The following PGPEP1 variants were observed in gnomAD, a reference collection of about 807,000 sequenced individuals.
PGPEP1 encodes pyroglutamyl-peptidase I, also known as pyroglutamyl-peptidase 1.
Under a neutral mutation model 24.1 loss-of-function variants are expected in PGPEP1, and 15 were observed. That is an observed-to-expected ratio of 0.62 (90% confidence interval 0.42 to 0.96). PGPEP1 has a LOEUF of 0.96. Among genes scored for constraint, PGPEP1 ranks in the 40% least tolerant of loss-of-function variants. The pLI, the probability that PGPEP1 is intolerant of heterozygous loss-of-function variation, is 0.00. For synonymous variants in PGPEP1, 122 were observed against 116.4 expected, an observed-to-expected ratio of 1.05 and a Z score of -0.31; for missense variants, 242 against 273.4, an observed-to-expected ratio of 0.89 and a Z score of 0.81.
chr19:18,354,910 C>T (rs535928624), intron 2 of PGPEP1, among the ~76,000 whole-genome samples: 4 of 149,834 alleles, frequency 2.7e-5, no homozygotes, highest in Non-Finnish European at 5.9e-5. Flanking sequence ...GAACTGTTAG[C>T]GTGAGTGAGC....
At chr19:18,358,332 C>T (rs1971250083) in intron 4 of PGPEP1, among the ~76,000 whole-genome samples, 1 of 141,042 alleles carries the variant, frequency 7.1e-6, no homozygotes, top group Non-Finnish European at 1.5e-5. Flanking sequence ...GTGATCTCAG[C>T]TCACTGCAAC....
intron 2 of PGPEP1, among the ~76,000 whole-genome samples, chr19:18,355,076 C>T (rs1971139960): frequency 6.9e-6 from 1 of 144,400 alleles, no homozygotes; most frequent in Non-Finnish European, 1.5e-5. Flanking sequence ...TCATGCCATT[C>T]TCCTGCCTCA....
intron 4 of PGPEP1, among the ~76,000 whole-genome samples, chr19:18,358,391 G>C (rs1971251464): frequency 6.7e-6 from 1 of 149,692 alleles, no homozygotes; most frequent in Non-Finnish European, 1.5e-5. Flanking sequence ...CTCCCAAGTA[G>C]CTGGGATTAT....
intron 2 of PGPEP1, among the ~76,000 whole-genome samples, chr19:18,348,127 C>G (rs1970912261): frequency 1.3e-5 from 2 of 152,078 alleles, no homozygotes; most frequent in Admixed American, 1.3e-4. Flanking sequence ...TCTCGTGTGT[C>G]CCGTCTCCCC....
chr19:18,342,369 A>G (rs112267848), intron 1 of PGPEP1, among the ~76,000 whole-genome samples: 12 of 152,268 alleles, frequency 7.9e-5, no homozygotes, highest in African/African-American at 2.9e-4. Context: ...CAGGAAGATC[A>G]CTTAGCACAG....
chr19:18,343,297 G>T lies in PGPEP1; in HGVS notation c.87+386G>T, dbSNP rs141297444. ...TTACAGGCGTGAGCCACTACGCCCA[G>T]CCAGCTCTTAAAAAACGATGTCGGA... On this transcript the variant is annotated intron_variant, in intron 2 of 4. Transcript: ENST00000269919. Among the ~76,000 whole-genome samples the T allele has an allele frequency of 1.6e-3, 243 of 152,262 alleles. 1 individual carries two copies. The Middle Eastern group carries it at 0.048, about 30-fold the overall frequency.
rs376013571 is a variant in PGPEP1 at position 18,353,881 on chromosome 19, CATCT to C, written c.88-2013_88-2010del. On this transcript the variant is annotated intron_variant, in intron 2 of 4. Transcript: ENST00000269919. ...ATGGATGGACCATATTTCATTTATC[CATCT>C]GTTGATGGGCATTTGTGCTATTTCT... Among the ~76,000 whole-genome samples, 4 of 152,260 alleles carry C rather than the reference CATCT, an allele frequency of 2.6e-5. No individual in the cohort carries two copies. The East Asian group carries it at 7.7e-4, about 29-fold the overall frequency.
At chr19:18,352,106 C>T (rs1971045511) in intron 2 of PGPEP1, among the ~76,000 whole-genome samples, 1 of 151,576 alleles carries the variant, frequency 6.6e-6, no homozygotes, top group Non-Finnish European at 1.5e-5. Context: ...CCCGTCTCTA[C>T]TAAAAATACA....
intron 2 of PGPEP1, among the ~76,000 whole-genome samples, chr19:18,349,690 C>T (rs1452608404): frequency 6.6e-6 from 1 of 152,154 alleles, no homozygotes; most frequent in Admixed American, 6.6e-5. Flanking sequence ...CCTCCCGTCC[C>T]CATCGCCGCT....
chr19:18,362,726 CAAAAAAA>C (rs71166506), intron 4 of PGPEP1, among the ~76,000 whole-genome samples: 1 of 85,872 alleles, frequency 1.2e-5, no homozygotes, highest in Non-Finnish European at 2.1e-5. Context: ...GACTCTGTCT[CAAAAAAA>C]AAAAAAAAAA....
rs764839992 is a variant in PGPEP1 at position 18,357,421 on chromosome 19, A to G, written c.243A>G (p.Thr81=). ...TGGGGGTGTCAGGCATGGCGACCAC[A>G]GTCACACTGGAGAAATGTGGACACA... ...VHVGVSGMAT[T]VTLEKCGHNK... The change falls in exon 4 of 5, where the codon ACA becomes ACG. Residue 81 remains threonine, a synonymous_variant. Coordinates refer to ENST00000269919, the MANE Select transcript of PGPEP1 (RefSeq NM_017712.4). The G allele has an allele frequency of 1.9e-6, 3 of 1,614,032 alleles. No individual in the cohort carries two copies. The South Asian group carries it at 3.3e-5, about 18-fold the overall frequency.
chr19:18,352,918 CTTT>C, intron 2 of PGPEP1, among the ~76,000 whole-genome samples: 1 of 144,606 alleles, frequency 6.9e-6, no homozygotes, highest in African/African-American at 2.5e-5. Flanking sequence ...CAGGTTGAAT[CTTT>C]TTTTTTTTTC....
intron 2 of PGPEP1, among the ~76,000 whole-genome samples, chr19:18,352,042 T>C (rs12979691): frequency 0.65 from 98,273 of 151,356 alleles, 32,149 homozygotes; most frequent in Middle Eastern, 0.77. Flanking sequence ...GAGGCCGAGA[T>C]GGGCGGATCA....
chr19:18,346,594 T>C (rs2144535029), intron 2 of PGPEP1, among the ~76,000 whole-genome samples: 1 of 150,968 alleles, frequency 6.6e-6, no homozygotes, highest in African/African-American at 2.4e-5. Flanking sequence ...TCTCTCTCTG[T>C]CACTTTCACC....
At chr19:18,347,270 C>CTTTTTTTTTTTTTTTTTTTTTTT (rs59936417) in intron 2 of PGPEP1, among the ~76,000 whole-genome samples, 8 of 94,422 alleles carry the variant, frequency 8.5e-5, no homozygotes, top group South Asian at 3.8e-4. Context: ...TTCTTTCTTT[C>CTTTTTTTTTTTTTTTTTTTTTTT]TTTTTTTTTT....
In PGPEP1 at chr19:18,365,125, G is replaced by A. The variant is rs1252935082; in HGVS notation, c.*1542G>A. The A allele has an allele frequency of 1.3e-5, 2 of 152,096 alleles. No homozygotes were observed. Among genetic ancestry groups the A allele is most frequent in the Non-Finnish European group, 2.9e-5 (2 of 68,024 alleles). 9.4% of individuals were successfully genotyped at this position (152,096 alleles called of 1,614,324 possible). A position where few individuals can be genotyped will look rare whatever the true frequency, so the allele number is the denominator to read the frequency against. Reference sequence around the variant, plus strand: ...TGGTAACCTTGAACTTACCAGGCAGGGATGAGATGACGTAAACTTCCTCAG... The same window carrying A: ...TGGTAACCTTGAACTTACCAGGCAGAGATGAGATGACGTAAACTTCCTCAG... On this transcript the variant is annotated 3_prime_UTR_variant, in exon 5 of 5. Transcript: ENST00000269919.
chr19:18,343,838 A>G (rs1401883785), intron 2 of PGPEP1, among the ~76,000 whole-genome samples: 2 of 151,770 alleles, frequency 1.3e-5, no homozygotes, highest in Admixed American at 1.3e-4. Context: ...ACCTGCTACC[A>G]CGCCTGGCTA....
intron 2 of PGPEP1, among the ~76,000 whole-genome samples, chr19:18,352,322 G>GTAA (rs1971057121): frequency 6.9e-6 from 1 of 145,930 alleles, no homozygotes; most frequent in Non-Finnish European, 1.5e-5. Context: ...CGGGAGTACT[G>GTAA]TAATCCCAGT....
intron 4 of PGPEP1, among the ~76,000 whole-genome samples, chr19:18,361,004 G>T (rs2144577717): frequency 6.6e-6 from 1 of 151,916 alleles, no homozygotes; most frequent in Admixed American, 6.6e-5. Context: ...GCTAATTTTT[G>T]TATTTTTAGT....
Sources: allele counts gnomAD v4.1 joint callset (sites outside exome capture counted in the v4.1 genomes callset), GRCh38; gene constraint gnomAD v4.1.1; transcripts MANE v1.5; gene names NCBI Gene and HGNC (gene_info 2026-07-23, HGNC 2026-07-21).